HDAC9: variants seen among roughly 807,000 people sequenced by gnomAD.
HDAC9 encodes MEF-2 interacting transcription repressor (MITR) protein.
In HDAC9, 41 loss-of-function variants were observed where a neutral mutation model predicts 139.4. The observed-to-expected ratio is 0.29, with a 90% confidence interval of 0.23 to 0.38. The LOEUF (loss-of-function observed/expected upper bound fraction) is 0.38, where lower values mean the gene tolerates loss of function less well. HDAC9 is among the 10% of genes least tolerant of loss of function. The pLI is 1.00. For missense variants in HDAC9, 1,147 were observed against 1,297.0 expected, an observed-to-expected ratio of 0.88 and a Z score of 1.78; for synonymous variants, 517 against 476.2, an observed-to-expected ratio of 1.09 and a Z score of -1.12.
chr7:18,286,312 A>T (rs563808749), upstream of HDAC9, among the ~76,000 whole-genome samples: 31 of 151,478 alleles, frequency 2.0e-4, no homozygotes, highest in Non-Finnish European at 4.1e-4. Flanking sequence ...CCATGGTTCA[A>T]TTAGTCCCTC....
chr7:18,743,383 G>A (rs1291274318), intron 13 of HDAC9, among the ~76,000 whole-genome samples: 1 of 152,040 alleles, frequency 6.6e-6, no homozygotes, highest in Admixed American at 6.6e-5. Context: ...AAGCTGTAAG[G>A]TTTAGAAAAT....
At chr7:18,610,278 A>T (rs1468111330) in intron 6 of HDAC9, among the ~76,000 whole-genome samples, 1 of 152,118 alleles carries the variant, frequency 6.6e-6, no homozygotes, top group Non-Finnish European at 1.5e-5. Flanking sequence ...GAATTTTCCT[A>T]GTGTCCAGCT....
At chr7:18,640,273 G>A (rs1199394321) in intron 8 of HDAC9, among the ~76,000 whole-genome samples, 1 of 143,748 alleles carries the variant, frequency 7.0e-6, no homozygotes, top group Non-Finnish European at 1.5e-5. Context: ...TTAGCCAGGA[G>A]TTTGAGCCCA....
chr7:18,590,726 G>A (rs374289596), intron 4 of HDAC9, among the ~76,000 whole-genome samples: 4 of 152,122 alleles, frequency 2.6e-5, no homozygotes, highest in African/African-American at 9.7e-5. Flanking sequence ...GCTGATTTCT[G>A]TTGTTTTGAA....
At chr7:18,511,069 T>G (rs1378238996) in intron 2 of HDAC9, among the ~76,000 whole-genome samples, 2 of 152,226 alleles carry the variant, frequency 1.3e-5, no homozygotes, top group Non-Finnish European at 2.9e-5. Context: ...GGTGAACAAA[T>G]GTATGCCAGT....
chr7:18,088,864 A>G (rs1051937226), intron 1 of HDAC9, among the ~76,000 whole-genome samples: 3 of 152,378 alleles, frequency 2.0e-5, no homozygotes, highest in South Asian at 2.1e-4. Flanking sequence ...CCAAAACAAC[A>G]TAATTTAGTC....
chr7:18,453,810 A>C (rs901858670), intron 1 of HDAC9, among the ~76,000 whole-genome samples: 2 of 152,196 alleles, frequency 1.3e-5, no homozygotes, highest in Non-Finnish European at 2.9e-5. Context: ...ATTTATAAAT[A>C]TGATCTAAAT....
At chr7:18,613,295 A>G (rs1395256190) in intron 6 of HDAC9, among the ~76,000 whole-genome samples, 1 of 151,958 alleles carries the variant, frequency 6.6e-6, no homozygotes, top group Non-Finnish European at 1.5e-5. Flanking sequence ...GGTCGTTTTC[A>G]CAGTTGTCCC....
intron 1 of HDAC9, among the ~76,000 whole-genome samples, chr7:18,340,126 C>A (rs1011668023): frequency 6.6e-6 from 1 of 151,512 alleles, no homozygotes; most frequent in Non-Finnish European, 1.5e-5. Flanking sequence ...AAATTGGCCC[C>A]TTTACCATTA....
chr7:18,973,585 G>A (rs1431947587), intron 24 of HDAC9, among the ~76,000 whole-genome samples: 2 of 152,026 alleles, frequency 1.3e-5, no homozygotes, highest in African/African-American at 4.8e-5. Context: ...CTGTTCCTTC[G>A]TGAAACAGTA....
chr7:18,750,752 G>C, intron 14 of HDAC9, among the ~76,000 whole-genome samples: 1 of 152,204 alleles, frequency 6.6e-6, no homozygotes, highest in East Asian at 1.9e-4. Flanking sequence ...GACCAGCAAG[G>C]AGAATTATTT....
intron 5 of HDAC9, among the ~76,000 whole-genome samples, chr7:18,592,513 C>T (rs1169925436): frequency 6.6e-6 from 1 of 151,900 alleles, no homozygotes; most frequent in Non-Finnish European, 1.5e-5. Flanking sequence ...TATATTTTTA[C>T]ACTTATATAT....
At chr7:18,532,821 G>T in intron 2 of HDAC9, among the ~76,000 whole-genome samples, 1 of 148,108 alleles carries the variant, frequency 6.8e-6, no homozygotes, top group Non-Finnish European at 1.5e-5. Flanking sequence ...GCTTTCTTCT[G>T]TTTTTTTTTT....
chr7:18,189,439 C>G (rs1790169453), intron 2 of HDAC9, among the ~76,000 whole-genome samples: 1 of 151,970 alleles, frequency 6.6e-6, no homozygotes, highest in East Asian at 1.9e-4. Flanking sequence ...CCTGCACATT[C>G]TGTACATGTA....
chr7:18,411,005 A>C (rs1009859795), intron 1 of HDAC9, among the ~76,000 whole-genome samples: 5 of 152,202 alleles, frequency 3.3e-5, no homozygotes, highest in Non-Finnish European at 7.3e-5. Flanking sequence ...TTTGGAAATC[A>C]TTTCTTGCCA....
chr7:18,962,513 T>C lies in HDAC9; in HGVS notation c.3022+8283T>C, dbSNP rs143618853. 5.9e-4 allele frequency among the ~76,000 whole-genome samples: 90 copies of C among 152,126 alleles called. 1 individual carries two copies. In the East Asian group the frequency reaches 0.014, roughly 23 times the overall value. On this transcript the variant is annotated intron_variant, in intron 24 of 25. Coordinates refer to ENST00000686413, the MANE Select transcript of HDAC9 (RefSeq NM_178425.4). ...TGCTATGAGACACAGTTTTGGGGGG[T>C]ATTTTTTATTCCAACTGCGTCTGCA...
intron 25 of HDAC9, among the ~76,000 whole-genome samples, chr7:18,990,711 G>A (rs1009201358): frequency 5.9e-5 from 9 of 152,362 alleles, no homozygotes; most frequent in South Asian, 4.1e-4. Flanking sequence ...TTCTGTGGGC[G>A]TAGGACCCTC....
intron 22 of HDAC9, among the ~76,000 whole-genome samples, chr7:18,928,446 A>G (rs1385858991): frequency 6.6e-6 from 1 of 152,256 alleles, no homozygotes; most frequent in Non-Finnish European, 1.5e-5. Flanking sequence ...AGCAATAAAA[A>G]GAGCAAGGCT....
intron 17 of HDAC9, among the ~76,000 whole-genome samples, chr7:18,801,625 C>T (rs914217511): frequency 6.6e-6 from 1 of 151,988 alleles, no homozygotes; most frequent in African/African-American, 2.4e-5. Context: ...TATTTCTCTA[C>T]TTTAGAGTAA....
Sources: gnomAD v4.1 joint callset for allele counts (sites outside exome capture counted in the v4.1 genomes callset) on GRCh38, gnomAD v4.1.1 for gene constraint, MANE v1.5 for transcripts, NCBI Gene and HGNC (gene_info 2026-07-23, HGNC 2026-07-21) for gene names.